The following MGMT variants were observed in gnomAD, a reference collection of about 807,000 sequenced individuals.
The protein encoded by MGMT is methylated-DNA--protein-cysteine methyltransferase.
Under a neutral mutation model 15.9 loss-of-function variants are expected in MGMT, and 14 were observed. The observed-to-expected ratio is 0.88, with a 90% CI of 0.58 to 1.37. The LOEUF is 1.37. MGMT is among the 40% of genes most tolerant of loss of function. MGMT has a pLI of 0.00. For synonymous variants in MGMT, 130 were observed against 118.2 expected, an observed-to-expected ratio of 1.10 and a Z score of -0.65; for missense variants, 282 against 268.1, an observed-to-expected ratio of 1.05 and a Z score of -0.36.
intron 1 of MGMT, among the ~76,000 whole-genome samples, chr10:129,523,217 G>T (rs1351654566): frequency 2.0e-5 from 3 of 152,240 alleles, no homozygotes; most frequent in Admixed American, 6.5e-5. Context: ...GCCTCGGCGG[G>T]CACAGGCGGG....
chr10:129,524,717 G>A lies in MGMT; in HGVS notation c.-12-11524G>A, dbSNP rs572845597. 2.7e-4 allele frequency among the ~76,000 whole-genome samples: 40 copies of A among 147,556 alleles called. No homozygotes were observed. The Middle Eastern group carries it at 0.011, about 40-fold the overall frequency. On this transcript the variant is annotated intron_variant, in intron 1 of 4. Transcript: ENST00000651593. ...CGCCATTCTCCTGCCTCAGCCTCCC[G>A]AGTAGCTGGGACTACAGACGCCTGC...
chr10:129,758,742 C>T (rs1022494027), intron 3 of MGMT, among the ~76,000 whole-genome samples: 8 of 152,298 alleles, frequency 5.3e-5, no homozygotes, highest in East Asian at 3.9e-4. Flanking sequence ...GGTGGACAGC[C>T]GGCATAATAT....
At chr10:129,632,064 T>C (rs7101247) in intron 2 of MGMT, among the ~76,000 whole-genome samples, 7,311 of 152,250 alleles carry the variant, frequency 0.048, 212 homozygotes, top group Middle Eastern at 0.085. Flanking sequence ...GCCTACAGCG[T>C]ACAAATGTTA....
chr10:129,604,057 C>T (rs1846856998), intron 2 of MGMT, among the ~76,000 whole-genome samples: 1 of 152,152 alleles, frequency 6.6e-6, no homozygotes, highest in Admixed American at 6.5e-5. Flanking sequence ...CAGTGCTATA[C>T]ATTTGTAGCT....
intron 2 of MGMT, among the ~76,000 whole-genome samples, chr10:129,652,176 C>A (rs1351448899): frequency 6.6e-6 from 1 of 152,180 alleles, no homozygotes; most frequent in Non-Finnish European, 1.5e-5. Context: ...GGAGACAGGT[C>A]CCTGGCTTGC....
At chr10:129,492,000 A>G (rs1174960244) in intron 1 of MGMT, among the ~76,000 whole-genome samples, 1 of 151,170 alleles carries the variant, frequency 6.6e-6, no homozygotes, top group Non-Finnish European at 1.5e-5. Context: ...TGCTTTTTGC[A>G]TGCTTTTAAA....
chr10:129,649,908 T>G (rs1847437101), intron 2 of MGMT, among the ~76,000 whole-genome samples: 1 of 152,248 alleles, frequency 6.6e-6, no homozygotes, highest in Non-Finnish European at 1.5e-5. Context: ...TTAAACTGTT[T>G]ATCTTCTCCA....
chr10:129,630,291 G>A lies in MGMT; in HGVS notation c.126-77604G>A, dbSNP rs141982354. On this transcript the variant is annotated intron_variant, in intron 2 of 4. Transcript: ENST00000651593. ...CTCTTTGATCTCCCTGTAGAAGGTCGGCTTGTCTGCCTAGAGATTCCTCTG... is the reference window on the plus strand; with the variant it reads ...CTCTTTGATCTCCCTGTAGAAGGTCAGCTTGTCTGCCTAGAGATTCCTCTG... 5.1e-4 allele frequency among the ~76,000 whole-genome samples: 77 copies of A among 152,290 alleles called. 1 individual carries two copies. The East Asian group carries it at 0.01, about 20-fold the overall frequency.
At chr10:129,660,662 A>G (rs941515714) in intron 2 of MGMT, among the ~76,000 whole-genome samples, 3 of 152,140 alleles carry the variant, frequency 2.0e-5, no homozygotes, top group Non-Finnish European at 4.4e-5. Flanking sequence ...GTGGGTTTCC[A>G]TAATGTGAAA....
At chr10:129,760,116 G>A (rs1848855010) in intron 4 of MGMT, among the ~76,000 whole-genome samples, 1 of 152,256 alleles carries the variant, frequency 6.6e-6, no homozygotes, top group Admixed American at 6.5e-5. Flanking sequence ...TGGTGCCTGG[G>A]GGCCACGTGG....
intron 4 of MGMT, among the ~76,000 whole-genome samples, chr10:129,763,645 T>C (rs1239138110): frequency 6.6e-6 from 1 of 152,228 alleles, no homozygotes; most frequent in Non-Finnish European, 1.5e-5. Flanking sequence ...ATTGAATTGG[T>C]GCCTAAATGT....
intron 3 of MGMT, among the ~76,000 whole-genome samples, chr10:129,758,228 T>C (rs960453927): frequency 2.0e-5 from 3 of 152,240 alleles, no homozygotes; most frequent in African/African-American, 2.4e-5. Flanking sequence ...AATCACACTT[T>C]GCCAGCTTGG....
intron 2 of MGMT, among the ~76,000 whole-genome samples, chr10:129,545,544 G>A (rs1846089525): frequency 6.6e-6 from 1 of 152,162 alleles, no homozygotes; most frequent in African/African-American, 2.4e-5. Context: ...AGGAGAAAAA[G>A]CTGAGATGAA....
At chr10:129,590,132 G>A (rs528157855) in intron 2 of MGMT, among the ~76,000 whole-genome samples, 1 of 152,190 alleles carries the variant, frequency 6.6e-6, no homozygotes, top group African/African-American at 2.4e-5. Flanking sequence ...TTAGGCAGGC[G>A]GGGGCTCTGC....
chr10:129,558,092 C>T (rs942210203), intron 2 of MGMT, among the ~76,000 whole-genome samples: 13 of 152,226 alleles, frequency 8.5e-5, no homozygotes, highest in African/African-American at 2.9e-4. Flanking sequence ...CGTGAAGAGC[C>T]CGCACAGGCC....
At chr10:129,638,782 G>T (rs1847294290) in intron 2 of MGMT, among the ~76,000 whole-genome samples, 1 of 152,032 alleles carries the variant, frequency 6.6e-6, no homozygotes, top group Non-Finnish European at 1.5e-5. Context: ...GTAAGAAAAA[G>T]ACTGAAAAAT....
chr10:129,584,798 G>C (rs185541640), intron 2 of MGMT, among the ~76,000 whole-genome samples: 1 of 152,224 alleles, frequency 6.6e-6, no homozygotes, highest in East Asian at 1.9e-4. Context: ...GTTGCTCCAC[G>C]CTCCAGCATG....
chr10:129,505,078 A>T (rs1180167941), intron 1 of MGMT, among the ~76,000 whole-genome samples: 1 of 152,202 alleles, frequency 6.6e-6, no homozygotes, highest in Non-Finnish European at 1.5e-5. Context: ...TGACTTTGGG[A>T]GTACAGCACT....
chr10:129,503,558 T>G (rs1190839039), intron 1 of MGMT, among the ~76,000 whole-genome samples: 2 of 152,254 alleles, frequency 1.3e-5, no homozygotes, highest in African/African-American at 4.8e-5. Context: ...TGCTTTAATG[T>G]GATACTCTTT....
Sources: allele counts gnomAD v4.1 joint callset (sites outside exome capture counted in the v4.1 genomes callset), GRCh38; gene constraint gnomAD v4.1.1; transcripts MANE v1.5; gene names NCBI Gene and HGNC (gene_info 2026-07-23, HGNC 2026-07-21).